The following SDHC variants were observed in gnomAD, a reference collection of about 807,000 sequenced individuals.
The protein encoded by SDHC is succinate dehydrogenase complex subunit C.
Under a neutral mutation model 22.6 loss-of-function variants are expected in SDHC, and 11 were observed. That is an observed-to-expected ratio of 0.49 (90% CI 0.31 to 0.81). The LOEUF (loss-of-function observed/expected upper bound fraction) is 0.81. SDHC is among the 30% of genes least tolerant of loss of function. The pLI, the probability that SDHC is intolerant of heterozygous loss-of-function variation, is 0.05. For missense variants in SDHC, 160 were observed against 212.0 expected, an observed-to-expected ratio of 0.75 and a Z score of 1.52; for synonymous variants, 80 against 77.8, an observed-to-expected ratio of 1.03 and a Z score of -0.15.
At chr1:161,319,987 G>C (rs1044471419) in intron 1 of SDHC, among the ~76,000 whole-genome samples, 1 of 152,110 alleles carries the variant, frequency 6.6e-6, no homozygotes, top group Admixed American at 6.6e-5. Flanking sequence ...TGTAAGCAGC[G>C]GGAAATTGTT....
chr1:161,319,341 TAAG>T (rs1318838495), intron 1 of SDHC, among the ~76,000 whole-genome samples: 1 of 151,468 alleles, frequency 6.6e-6, no homozygotes, highest in African/African-American at 2.4e-5. Context: ...TTAAACCACA[TAAG>T]AAATATTGAT....
intron 3 of SDHC, chr1:161,339,662 G>GTTTTTTTTGTTTTTTTTTT (rs1671639010): frequency 4.0e-5 from 2 of 49,566 alleles, no homozygotes; most frequent in Admixed American, 5.3e-4. Context: ...TGATACAGGT[G>GTTTTTTTTGTTTTTTTTTT]TTTTTTTTTT....
rs554699191 is a variant in SDHC at position 161,333,720 on chromosome 1, G to C, written c.179+5223G>C. Reference sequence around the variant, plus strand: ...TCCGGCCTATGTTTAACATTTTGAGGAACTACCAGACTGTTTTCCAAAGTG... The same window carrying C: ...TCCGGCCTATGTTTAACATTTTGAGCAACTACCAGACTGTTTTCCAAAGTG... On this transcript the variant is annotated intron_variant, in intron 3 of 5. Coordinates refer to ENST00000367975, the MANE Select transcript of SDHC (RefSeq NM_003001.5). Among the ~76,000 whole-genome samples the C allele has an allele frequency of 6.6e-5, 10 of 152,216 alleles. No homozygotes were observed. The East Asian group carries it at 1.9e-3, about 29-fold the overall frequency.
intron 1 of SDHC, among the ~76,000 whole-genome samples, chr1:161,322,947 TTTTG>T (rs999281786): frequency 6.6e-6 from 1 of 152,192 alleles, no homozygotes; most frequent in Non-Finnish European, 1.5e-5. Flanking sequence ...TATTCTGTTT[TTTTG>T]TTTGTTTTGT....
intron 1 of SDHC, among the ~76,000 whole-genome samples, chr1:161,319,485 C>T (rs1365554785): frequency 2.7e-5 from 4 of 147,962 alleles, no homozygotes; most frequent in Non-Finnish European, 5.9e-5. Context: ...CTCGCTCTGT[C>T]GCCCAGGGTG....
At chr1:161,335,618 A>T (rs1671450553) in intron 3 of SDHC, among the ~76,000 whole-genome samples, 1 of 152,086 alleles carries the variant, frequency 6.6e-6, no homozygotes, top group African/African-American at 2.4e-5. Context: ...TGGTGTTCAA[A>T]TTGTCTCAGA....
At position 161,330,648 on chromosome 1, in the gene SDHC, TTCTC is replaced by T. The variant is rs35865051; in HGVS notation, c.179+2155_179+2158del. On this transcript the variant is annotated intron_variant, in intron 3 of 5. Transcript: ENST00000367975. Reference sequence around the variant, plus strand: ...GGGGTATGACAGTCTTCTTTTCATCTTCTCTCTGTCACTTTTAGTCTATGCTGGC... The same window carrying T: ...GGGGTATGACAGTCTTCTTTTCATCTTCTGTCACTTTTAGTCTATGCTGGC... 6.7e-3 allele frequency among the ~76,000 whole-genome samples: 1,027 copies of T among 152,324 alleles called. 3 individuals are homozygous for T. Among genetic ancestry groups the T allele is most frequent in the Non-Finnish European group, 0.011 (771 of 68,016 alleles).
At chr1:161,322,455 TC>T (rs1352861387) in intron 1 of SDHC, among the ~76,000 whole-genome samples, 15 of 152,344 alleles carry the variant, frequency 9.8e-5, no homozygotes, top group African/African-American at 3.4e-4. Flanking sequence ...TGAAATTCAT[TC>T]AGGATATCTG....
chr1:161,335,512 A>G lies in SDHC; in HGVS notation c.180-5082A>G, dbSNP rs942520743. ...ATTTTCTAGATTTGTTTGTTTTGAT[A>G]GGGTAAAGCTTGCTTTTTTTATCAG... On this transcript the variant is annotated intron_variant, in intron 3 of 5. Transcript: ENST00000367975. 2.6e-5 allele frequency among the ~76,000 whole-genome samples: 4 copies of G among 152,266 alleles called. No homozygotes were observed. The East Asian group carries it at 7.7e-4, about 29-fold the overall frequency.
intron 2 of SDHC, among the ~76,000 whole-genome samples, chr1:161,326,922 C>T (rs1306496948): frequency 6.6e-6 from 1 of 152,014 alleles, no homozygotes; most frequent in Admixed American, 6.6e-5. Flanking sequence ...CCGCACCTGG[C>T]CAATTGTTAA....
At chr1:161,323,526 C>T (rs1670917863) in intron 1 of SDHC, 88 bp from the exon 2 acceptor site, 1 of 963,908 alleles carries the variant, frequency 1.0e-6, no homozygotes. Context: ...TACTTTTAAT[C>T]TATCCCTTCA....
At chr1:161,358,199 G>A (rs1672355480) in intron 5 of SDHC, among the ~76,000 whole-genome samples, 1 of 143,242 alleles carries the variant, frequency 7.0e-6, no homozygotes, top group African/African-American at 2.7e-5. Flanking sequence ...ACCACGGCCA[G>A]CTAATTTTTT....
rs2102371614 is a variant in SDHC at position 161,356,856 on chromosome 1, A to C, written c.405+16A>C. The stretch of plus-strand genomic sequence containing the variant: ...CCGACACTTGGTAAGTTAATTCGGG[A>C]TTTGCACATTTTCTCTGTGAAGGGA... On this transcript the variant is annotated intron_variant, in intron 5 of 5. Transcript: ENST00000367975. The C allele has an allele frequency of 6.2e-7, 1 of 1,611,840 alleles. No individual in the cohort carries two copies. Among genetic ancestry groups the C allele is most frequent in the Admixed American group, 1.7e-5 (1 of 59,960 alleles).
chr1:161,349,395 G>A (rs2102355185), intron 4 of SDHC, among the ~76,000 whole-genome samples: 1 of 152,276 alleles, frequency 6.6e-6, no homozygotes, highest in African/African-American at 2.4e-5. Context: ...AACCCAGGAG[G>A]CAGAGGTTGC....
At chr1:161,350,210 C>T (rs1041401401) in intron 4 of SDHC, among the ~76,000 whole-genome samples, 1 of 152,172 alleles carries the variant, frequency 6.6e-6, no homozygotes, top group Non-Finnish European at 1.5e-5. Context: ...TACCCGGCCT[C>T]GTTTTTAAAC....
At chr1:161,331,835 T>C (rs1671288141) in intron 3 of SDHC, among the ~76,000 whole-genome samples, 3 of 152,158 alleles carry the variant, frequency 2.0e-5, no homozygotes, top group Non-Finnish European at 4.4e-5. Flanking sequence ...GACCTCGTGA[T>C]CTGCCCGCCC....
intron 3 of SDHC, among the ~76,000 whole-genome samples, chr1:161,334,650 G>T (rs1214612955): frequency 1.3e-5 from 2 of 152,002 alleles, no homozygotes; most frequent in East Asian, 3.9e-4. Flanking sequence ...TGTTGCTCAA[G>T]CTGGCTTTGA....
intron 3 of SDHC, among the ~76,000 whole-genome samples, chr1:161,328,998 C>T (rs1671173825): frequency 6.6e-6 from 1 of 152,060 alleles, no homozygotes; most frequent in Non-Finnish European, 1.5e-5. Flanking sequence ...TCCTCTGCCT[C>T]CCGGGTTCAA....
At chr1:161,348,009 A>G (rs571350285) in intron 4 of SDHC, among the ~76,000 whole-genome samples, 3 of 152,262 alleles carry the variant, frequency 2.0e-5, no homozygotes. Context: ...TTCCAGTAAC[A>G]GGACAAGCTG....
Sources: allele counts gnomAD v4.1 joint callset (sites outside exome capture counted in the v4.1 genomes callset), GRCh38; gene constraint gnomAD v4.1.1; transcripts MANE v1.5; gene names NCBI Gene and HGNC (gene_info 2026-07-23, HGNC 2026-07-21).